The following MTMR1 variants were observed in gnomAD, a reference collection of about 807,000 sequenced individuals.
MTMR1 encodes the protein myotubularin related protein 1.
In MTMR1, 17 loss-of-function variants were observed where a neutral mutation model predicts 51.6. That is an observed-to-expected ratio of 0.33 (90% CI 0.23 to 0.49). The LOEUF (loss-of-function observed/expected upper bound fraction) is 0.49, where lower values mean the gene tolerates loss of function less well. Ranked by LOEUF, MTMR1 falls within the 20% of genes least tolerant of loss-of-function variation. MTMR1 has a pLI of 0.99. For synonymous variants in MTMR1, 201 were observed against 205.6 expected (o/e 0.98, Z 0.19); for missense variants, 386 against 526.9 (o/e 0.73, Z 2.62).
In MTMR1 at chrX:150,732,859, A is replaced by G. The variant is rs782282967; in HGVS notation, c.1080+129A>G. On this transcript the variant is annotated intron_variant, in intron 10 of 15. Transcript: ENST00000445323. ...TAGAATCATTTGGAGTCCCATAGCTATTCCTCCCTGGTGTATGCTCCTTGG... is the reference window on the plus strand; with the variant it reads ...TAGAATCATTTGGAGTCCCATAGCTGTTCCTCCCTGGTGTATGCTCCTTGG... The G allele has an allele frequency of 3.2e-4, 205 of 648,475 alleles. No individual in the cohort carries two copies. In the Middle Eastern group the frequency reaches 3.6e-3, roughly 11 times the overall value. The allele number at this position is 648,475 out of a possible 1,213,427, so 53.4% of individuals were successfully genotyped here.
intron 1 of MTMR1, among the ~76,000 whole-genome samples, chrX:150,696,022 C>G (rs2040662280): frequency 9.0e-6 from 1 of 111,628 alleles, no homozygotes; most frequent in South Asian, 3.8e-4. Flanking sequence ...AGTTAGGAAA[C>G]ACAGGAGCAG....
intron 15 of MTMR1, among the ~76,000 whole-genome samples, chrX:150,761,092 G>T (rs1328045388): frequency 1.8e-5 from 2 of 111,254 alleles, no homozygotes; most frequent in Admixed American, 9.5e-5. Flanking sequence ...GAGGTCACAT[G>T]CCTGTAGATG....
rs368310373 is a variant in MTMR1 at position 150,758,664 on chromosome X, G to A, written c.1857+2799G>A. Among the ~76,000 whole-genome samples, 9 of 110,323 alleles carry A rather than the reference G, an allele frequency of 8.2e-5. 1 individual carries two copies. The highest frequency in any genetic ancestry group is 3.9e-4 in the South Asian group (1 of 2,571). On this transcript the variant is annotated intron_variant, in intron 15 of 15. Transcript: ENST00000445323. ...AAATTAGCCAGGTGTGGTGGTGCAC[G>A]CCTATAATCCCAGCTACTCAGGAGG...
chrX:150,693,405 T>C lies in MTMR1; in HGVS notation c.-126T>C, dbSNP rs2040542955. ...CGCGGGGCCGCCAGGTGACAGCTAA[T>C]GGCGGCGGCCGCCTGAGGCGGGCGG... On this transcript the variant is annotated 5_prime_UTR_variant, in exon 1 of 16. It removes an upstream start codon present in the reference 5' UTR. Coordinates refer to ENST00000445323, the MANE Select transcript of MTMR1 (RefSeq NM_001306144.3). The C allele has an allele frequency of 2.7e-6, 2 of 737,352 alleles. No individual in the cohort carries two copies. The highest frequency in any genetic ancestry group is 1.8e-4 in the Admixed American group (2 of 11,426). The allele number at this position is 737,352 out of a possible 1,213,427, so 60.8% of individuals were successfully genotyped here. A position where few individuals can be genotyped will look rare whatever the true frequency, so the allele number is the denominator to read the frequency against.
At chrX:150,751,265 T>C in intron 14 of MTMR1, 1 of 741,028 alleles carries the variant, frequency 1.3e-6, no homozygotes. Context: ...CTTTTTTACA[T>C]CAAAGTAGTA....
At chrX:150,754,628 A>G (rs1206524636) in intron 14 of MTMR1, among the ~76,000 whole-genome samples, 1 of 112,348 alleles carries the variant, frequency 8.9e-6, no homozygotes, top group Non-Finnish European at 1.9e-5. Flanking sequence ...ACTTGTCTTT[A>G]TAGAGCTTCT....
intron 4 of MTMR1, among the ~76,000 whole-genome samples, chrX:150,721,549 C>T (rs2041747655): frequency 9.0e-6 from 1 of 111,517 alleles, no homozygotes; most frequent in South Asian, 3.7e-4. Flanking sequence ...TCCAAGTTGT[C>T]AAATGATTGT....
At chrX:150,739,307 T>C (rs782001107) in intron 12 of MTMR1, among the ~76,000 whole-genome samples, 1 of 112,759 alleles carries the variant, frequency 8.9e-6, no homozygotes, top group Non-Finnish European at 1.9e-5. Context: ...ATGTGTCAAA[T>C]GTTTAGGGCA....
At position 150,731,422 on chromosome X, in the gene MTMR1, G is replaced by C. The variant is rs782790841; in HGVS notation, c.742-48G>C. 8.3e-6 allele frequency: 9 copies of C among 1,088,200 alleles called. No individual in the cohort carries two copies. In the Admixed American group the frequency reaches 2.6e-4, roughly 31 times the overall value. The allele number at this position is 1,088,200 out of a possible 1,213,427, so 89.7% of individuals were successfully genotyped here. On this transcript the variant is annotated intron_variant, in intron 8 of 15. Transcript: ENST00000445323. ...TTCATGCTTAGTACTTTTTCAAAGTGTAAAGTCATGCATTTCACCCTCTTC... is the reference window on the plus strand; with the variant it reads ...TTCATGCTTAGTACTTTTTCAAAGTCTAAAGTCATGCATTTCACCCTCTTC...
chrX:150,728,980 A>G (rs2042026456), intron 6 of MTMR1, among the ~76,000 whole-genome samples: 1 of 110,008 alleles, frequency 9.1e-6, no homozygotes, highest in African/African-American at 3.3e-5. Flanking sequence ...CCCATATGGA[A>G]CAATGGCAAG....
chrX:150,740,481 G>C (rs1221111867), intron 12 of MTMR1, among the ~76,000 whole-genome samples: 1 of 111,255 alleles, frequency 9.0e-6, no homozygotes, highest in Non-Finnish European at 1.9e-5. Flanking sequence ...TGAGTCCTTG[G>C]ATCATTTTTC....
rs150229749 is a variant in MTMR1 at position 150,711,584 on chromosome X, G to A, written c.253-758G>A. 7.0e-4 allele frequency among the ~76,000 whole-genome samples: 78 copies of A among 112,145 alleles called. 2 individuals carry two copies. In the East Asian group the frequency reaches 0.021, roughly 30 times the overall value. Reference sequence around the variant, plus strand: ...AGTGTGTATGCTGCATGTTCAATTAGGATTCACAGGCCTCAGGCACAACAA... The same window carrying A: ...AGTGTGTATGCTGCATGTTCAATTAAGATTCACAGGCCTCAGGCACAACAA... On this transcript the variant is annotated intron_variant, in intron 2 of 15. Transcript: ENST00000445323.
chrX:150,725,103 C>T (rs1162481253), intron 4 of MTMR1, among the ~76,000 whole-genome samples: 5 of 111,647 alleles, frequency 4.5e-5, no homozygotes, highest in African/African-American at 1.6e-4. Flanking sequence ...TTTTCTAGTT[C>T]TGGGAATGTC....
chrX:150,727,986 C>T (rs782033151), intron 6 of MTMR1, among the ~76,000 whole-genome samples, 195 bp downstream of exon 6: 2 of 111,582 alleles, frequency 1.8e-5, no homozygotes, highest in South Asian at 7.8e-4. Flanking sequence ...AAACCTTTTC[C>T]ATCGAAGTCC....
intron 2 of MTMR1, 112 bp downstream of exon 2, chrX:150,699,412 C>T (rs782415375): frequency 4.5e-4 from 198 of 441,825 alleles, no homozygotes; most frequent in Non-Finnish European, 6.6e-4. Context: ...GCCATTTGCT[C>T]GAGAATAAGG....
At chrX:150,747,904 GT>G (rs1557417496) in intron 13 of MTMR1, among the ~76,000 whole-genome samples, 1 of 112,076 alleles carries the variant, frequency 8.9e-6, no homozygotes, top group Non-Finnish European at 1.9e-5. Context: ...GTCATAGTCT[GT>G]TTGGGCTGCT....
chrX:150,743,221 T>C (rs1406484668), intron 12 of MTMR1, among the ~76,000 whole-genome samples: 1 of 110,271 alleles, frequency 9.1e-6, no homozygotes, highest in Non-Finnish European at 1.9e-5. Context: ...CTGGGCAGTA[T>C]AGTGAGACCC....
At chrX:150,750,259 A>G (rs1218176802) in intron 13 of MTMR1, among the ~76,000 whole-genome samples, 2 of 112,064 alleles carry the variant, frequency 1.8e-5, no homozygotes, top group African/African-American at 6.5e-5. Flanking sequence ...GGTACATGTT[A>G]TGACTGGATG....
intron 4 of MTMR1, among the ~76,000 whole-genome samples, chrX:150,725,178 C>T (rs559126467): frequency 1.8e-3 from 197 of 112,301 alleles, no homozygotes; most frequent in African/African-American, 5.6e-3. Context: ...GCCATTTTCA[C>T]GATATTGATT....
Sources: gnomAD v4.1 joint callset for allele counts (sites outside exome capture counted in the v4.1 genomes callset) on GRCh38, gnomAD v4.1.1 for gene constraint, MANE v1.5 for transcripts, NCBI Gene and HGNC (gene_info 2026-07-23, HGNC 2026-07-21) for gene names.